Variants in CDC45 observed in about 807,000 individuals in gnomAD.
The protein encoded by CDC45 is cell division control protein 45 homolog.
CDC45 carries 54 observed loss-of-function variants against 77.8 expected under a neutral mutation model. The observed-to-expected ratio is 0.69, with a 90% CI of 0.56 to 0.87. CDC45 has a LOEUF of 0.87. CDC45 is among the 40% of genes least tolerant of loss of function. The probability of loss-of-function intolerance (pLI) is 0.00; values close to 1 mark genes in which losing one functional copy is unlikely to be tolerated. For synonymous variants in CDC45, 260 were observed against 272.1 expected, an observed-to-expected ratio of 0.96 and a Z score of 0.44; for missense variants, 649 against 721.6, an observed-to-expected ratio of 0.90 and a Z score of 1.15.
At chr22:19,482,659 A>G in intron 3 of CDC45, 31 bp from the exon 4 acceptor site, 1 of 1,608,178 alleles carries the variant, frequency 6.2e-7, no homozygotes, top group Non-Finnish European at 8.5e-7. Flanking sequence ...TCCTCGATAT[A>G]GCTACTTTAC....
intron 7 of CDC45, among the ~76,000 whole-genome samples, chr22:19,496,888 C>T (rs2090252274): frequency 7.2e-6 from 1 of 138,272 alleles, no homozygotes; most frequent in South Asian, 2.2e-4. Flanking sequence ...TGCTGAGGCC[C>T]CTCCCTCTTT....
At chr22:19,492,460 T>C (rs2090168047) in intron 5 of CDC45, among the ~76,000 whole-genome samples, 1 of 152,150 alleles carries the variant, frequency 6.6e-6, no homozygotes, top group South Asian at 2.1e-4. Context: ...ACTTGTCTCT[T>C]CTTTAGATCT....
Position 19,479,932 on chromosome 22 carries a change from C to A in CDC45, c.-37C>A, listed in dbSNP as rs1179865376. 6.2e-7 allele frequency: 1 copy of A among 1,611,232 alleles called. No individual in the cohort carries two copies. The highest frequency in any genetic ancestry group is 1.1e-5 in the South Asian group (1 of 90,994). On this transcript the variant is annotated 5_prime_UTR_variant, in exon 1 of 19. Transcript: ENST00000263201. ...CTTGACCGCCGCCGGGCTCTTGGTA[C>A]CTCAGCGCGAGCGCCAGGCGTCCGG...
intron 12 of CDC45, 105 bp from the exon 13 acceptor site, chr22:19,508,425 C>A: frequency 8.6e-7 from 1 of 1,164,990 alleles, no homozygotes; most frequent in Non-Finnish European, 1.3e-6. Context: ...GTGCTGGAAG[C>A]ATTGACTTGG....
In CDC45 at chr22:19,495,989, T is replaced by A. The variant is rs772959198; in HGVS notation, c.551T>A (p.Ile184Asn). The A allele has an allele frequency of 1.2e-5, 19 of 1,610,816 alleles. 1 individual carries two copies. The South Asian group carries it at 2.0e-4, about 17-fold the overall frequency. ...ATTTTATGTCATTACAGAAGAGACA[T>A]CCTCTTTGACTACGAGCAGTATGAA... ...RREWEARRRD[I>N]LFDYEQYEYH... Residue 184 changes from isoleucine (I) to asparagine (N), a missense_variant, in exon 7 of 19, where the codon ATC becomes AAC. Coordinates refer to ENST00000263201, the MANE Select transcript of CDC45 (RefSeq NM_003504.5).
intron 4 of CDC45, 114 bp from the exon 5 acceptor site, chr22:19,483,748 T>G: frequency 9.6e-7 from 1 of 1,038,364 alleles, no homozygotes; most frequent in Non-Finnish European, 1.4e-6. Context: ...GCTATTTGTA[T>G]GAACAGGAAA....
rs13447185 is a variant in CDC45, at chr22:19,480,548, TGA to T, written c.111+339_111+340del. 3.7e-3 allele frequency among the ~76,000 whole-genome samples: 558 copies of T among 151,730 alleles called. 6 individuals carry two copies. The highest frequency in any genetic ancestry group is 0.013 in the African/African-American group (537 of 41,518). ...GTCGTGGCCTCTCAAATGGGGGATT[TGA>T]GAGAGAGGAATCTGTGACAACTGTG... On this transcript the variant is annotated intron_variant, in intron 2 of 18. Coordinates refer to ENST00000263201, the MANE Select transcript of CDC45 (RefSeq NM_003504.5).
intron 5 of CDC45, among the ~76,000 whole-genome samples, chr22:19,484,912 T>C (rs185771207): frequency 1.5e-4 from 23 of 151,566 alleles, no homozygotes; most frequent in Non-Finnish European, 2.9e-4. Context: ...TTTGTTCTAT[T>C]TTTTGGAAGA....
chr22:19,479,755 G>A (rs550082430), upstream of CDC45: 283 of 646,526 alleles, frequency 4.4e-4, no homozygotes, highest in African/African-American at 2.1e-3. Context: ...ACGCTTCTTT[G>A]GGGGCGGGCT....
At chr22:19,494,418 A>G in intron 6 of CDC45, 36 bp downstream of exon 6, 1 of 1,609,890 alleles carries the variant, frequency 6.2e-7, no homozygotes, top group South Asian at 1.1e-5. Context: ...CAGCACCAGA[A>G]GCCCACTTGC....
In CDC45 at chr22:19,493,934, G is replaced by A. The variant is rs565485824; in HGVS notation, c.487-393G>A. Among the ~76,000 whole-genome samples the A allele has an allele frequency of 2.1e-4, 32 of 152,282 alleles. No individual in the cohort carries two copies. In the South Asian group the frequency reaches 4.6e-3, roughly 22 times the overall value. On this transcript the variant is annotated intron_variant, in intron 5 of 18. Coordinates refer to ENST00000263201, the MANE Select transcript of CDC45 (RefSeq NM_003504.5). ...CTGTAACATTAGAATAGTTCCTAAC[G>A]CATGGTAGAATATAAGAAATGTTAG...
intron 15 of CDC45, among the ~76,000 whole-genome samples, chr22:19,515,802 T>C (rs1933754315): frequency 1.3e-5 from 2 of 152,202 alleles, no homozygotes; most frequent in South Asian, 4.1e-4. Flanking sequence ...TCTGACCTGA[T>C]CCTCAGTTTC....
chr22:19,516,739 AGT>A, intron 16 of CDC45, 76 bp from the exon 17 acceptor site: 1 of 875,952 alleles, frequency 1.1e-6, no homozygotes, highest in South Asian at 1.3e-5. Flanking sequence ...ATTTGCCTCT[AGT>A]GTCTGTCCTG....
chr22:19,515,158 C>G (rs1166981955), intron 15 of CDC45, 110 bp downstream of exon 15: 7 of 933,816 alleles, frequency 7.5e-6, no homozygotes, highest in Non-Finnish European at 1.1e-5. Flanking sequence ...TGACCAGCTG[C>G]AAGGTCTAGG....
chr22:19,518,168 A>G (rs550249335), intron 17 of CDC45, among the ~76,000 whole-genome samples: 131 of 152,346 alleles, frequency 8.6e-4, no homozygotes, highest in African/African-American at 2.1e-3. Context: ...GGCCTTCAGT[A>G]TACAGGGAGG....
intron 5 of CDC45, among the ~76,000 whole-genome samples, chr22:19,490,184 T>C (rs1395468267): frequency 1.3e-5 from 2 of 152,212 alleles, no homozygotes; most frequent in African/African-American, 4.8e-5. Context: ...GTGAATTTTT[T>C]AAAACAGCAT....
In CDC45 at chr22:19,518,897, C is replaced by T. The variant is rs781646080; in HGVS notation, c.1690C>T (p.Leu564Phe). 6.2e-7 allele frequency: 1 copy of T among 1,613,890 alleles called. No individual in the cohort carries two copies. The highest frequency in any genetic ancestry group is 1.3e-5 in the African/African-American group (1 of 75,038). ...RSKFLDALIS[L>F]LS ...CAAGTTTCTGGACGCACTTATTTCC[C>T]TCCTGTCCTAGGGTGAGTTACAGGG... The change falls in exon 18 of 19, where the codon CTC (leucine) becomes TTC (phenylalanine). Residue 564 changes from leucine (L) to phenylalanine (F), a missense_variant. By Grantham distance (22) the Leu-to-Phe change is conservative. Transcript: ENST00000263201.
chr22:19,498,028 G>T (rs2090274870), intron 8 of CDC45, among the ~76,000 whole-genome samples: 1 of 151,734 alleles, frequency 6.6e-6, no homozygotes, highest in African/African-American at 2.4e-5. Context: ...AAAAAAATTA[G>T]CCAGGCGTGG....
intron 2 of CDC45, 23 bp downstream of exon 2, chr22:19,480,240 G>T: frequency 6.2e-7 from 1 of 1,610,804 alleles, no homozygotes; most frequent in Non-Finnish European, 8.5e-7. Flanking sequence ...GACCCTAGGA[G>T]GGCGGGGCCG....
Sources: allele counts gnomAD v4.1 joint callset (sites outside exome capture counted in the v4.1 genomes callset), GRCh38; gene constraint gnomAD v4.1.1; transcripts MANE v1.5; gene names NCBI Gene and HGNC (gene_info 2026-07-23, HGNC 2026-07-21).